Variants in MCC observed in about 807,000 individuals in gnomAD.
MCC encodes the protein colorectal mutant cancer protein.
A neutral mutation model predicts 116.2 loss-of-function variants in MCC; 90 were observed. The ratio of observed to expected loss-of-function variants is 0.77; its 90% CI spans 0.65 to 0.92. The LOEUF is 0.92. MCC is among the 40% of genes least tolerant of loss of function. The pLI is 0.00. For synonymous variants in MCC, 578 were observed against 510.5 expected (o/e 1.13, Z -1.78); for missense variants, 1,516 against 1,312.2 (o/e 1.16, Z -2.40).
chr5:113,274,763 G>T (rs2150354495), intron 3 of MCC, among the ~76,000 whole-genome samples: 1 of 152,266 alleles, frequency 6.6e-6, no homozygotes, highest in East Asian at 1.9e-4. Context: ...CCTTTGGTGG[G>T]TCTAATACTG....
chr5:113,133,879 C>A (rs1009562518), intron 5 of MCC, among the ~76,000 whole-genome samples: 3 of 152,130 alleles, frequency 2.0e-5, no homozygotes, highest in African/African-American at 7.2e-5. Flanking sequence ...TACCTGTTGG[C>A]CATTTGTACG....
chr5:113,166,525 A>G (rs1042375183), intron 3 of MCC, among the ~76,000 whole-genome samples: 3 of 152,092 alleles, frequency 2.0e-5, no homozygotes, highest in African/African-American at 4.8e-5. Context: ...CGTGGGTGAT[A>G]ATACAGTTTA....
intron 1 of MCC, among the ~76,000 whole-genome samples, chr5:113,438,574 G>T (rs1310665153): frequency 6.6e-6 from 1 of 152,182 alleles, no homozygotes; most frequent in African/African-American, 2.4e-5. Context: ...CACCTCTTAT[G>T]ACATCATAAT....
At chr5:113,060,380 C>T (rs1753135153) in intron 14 of MCC, among the ~76,000 whole-genome samples, 3 of 152,126 alleles carry the variant, frequency 2.0e-5, no homozygotes, top group Admixed American at 2.0e-4. Flanking sequence ...GTCTCAAACT[C>T]CTGACCTCAT....
At chr5:113,461,823 G>A (rs1207295487) in intron 1 of MCC, among the ~76,000 whole-genome samples, 2 of 149,428 alleles carry the variant, frequency 1.3e-5, no homozygotes, top group East Asian at 2.0e-4. Flanking sequence ...TAGTAGAGAT[G>A]TTCTACTCCA....
At chr5:113,185,706 C>T (rs181160192) in intron 3 of MCC, among the ~76,000 whole-genome samples, 1 of 152,320 alleles carries the variant, frequency 6.6e-6, no homozygotes, top group East Asian at 1.9e-4. Flanking sequence ...TTGCCATCCC[C>T]AGGCATGTGA....
chr5:113,263,686 T>G (rs1176112517), intron 3 of MCC, among the ~76,000 whole-genome samples: 2 of 152,360 alleles, frequency 1.3e-5, no homozygotes, highest in African/African-American at 2.4e-5. Context: ...GTAATTTTAT[T>G]GCAGGGAATC....
intron 4 of MCC, among the ~76,000 whole-genome samples, chr5:113,146,328 T>C: frequency 1.7e-3 from 1 of 580 alleles, no homozygotes; most frequent in Non-Finnish European, 0.022. Flanking sequence ...GTTTTTGCCA[T>C]CAAGGCACTG....
At chr5:113,386,754 CAT>C (rs10673164) in intron 1 of MCC, among the ~76,000 whole-genome samples, 23,253 of 140,748 alleles carry the variant, frequency 0.17, 2,175 homozygotes, top group Non-Finnish European at 0.22. Flanking sequence ...ATATGTATAT[CAT>C]ATATATATAT....
intron 16 of MCC, among the ~76,000 whole-genome samples, chr5:113,044,721 T>C (rs1457210416): frequency 6.6e-6 from 1 of 152,126 alleles, no homozygotes; most frequent in East Asian, 1.9e-4. Context: ...ATTACAGGCA[T>C]GTGCCACCAC....
chr5:113,469,100 T>C (rs1772003596), intron 1 of MCC, among the ~76,000 whole-genome samples: 1 of 152,204 alleles, frequency 6.6e-6, no homozygotes, highest in African/African-American at 2.4e-5. Context: ...TTGCTAGAAG[T>C]CTATCAATTT....
intron 2 of MCC, among the ~76,000 whole-genome samples, chr5:113,360,858 A>G (rs990101453): frequency 5.3e-5 from 8 of 152,128 alleles, no homozygotes; most frequent in Admixed American, 2.0e-4. Context: ...GGATGACCCA[A>G]TCTTGACTCA....
At chr5:113,143,621 G>A (rs546203856) in intron 4 of MCC, among the ~76,000 whole-genome samples, 75 of 152,256 alleles carry the variant, frequency 4.9e-4, no homozygotes, top group African/African-American at 1.8e-3. Flanking sequence ...ATTGCACACT[G>A]TCCAAGTGGG....
At chr5:113,246,432 A>G (rs185998952) in intron 3 of MCC, among the ~76,000 whole-genome samples, 1 of 152,244 alleles carries the variant, frequency 6.6e-6, no homozygotes, top group Non-Finnish European at 1.5e-5. Flanking sequence ...GTGACGTTAC[A>G]TTGTGAAACT....
intron 1 of MCC, among the ~76,000 whole-genome samples, chr5:113,470,994 C>T (rs111832061): frequency 0.1 from 15,866 of 152,236 alleles, 1,371 homozygotes; most frequent in African/African-American, 0.23. Context: ...CTTCTGCCTT[C>T]GTCACGTAGC....
chr5:113,129,150 C>A (rs1246891154), intron 5 of MCC, among the ~76,000 whole-genome samples: 1 of 152,136 alleles, frequency 6.6e-6, no homozygotes, highest in Non-Finnish European at 1.5e-5. Context: ...TAGGAGGGGT[C>A]TGTGCCTTGG....
chr5:113,157,507 A>G (rs774339887), intron 3 of MCC, among the ~76,000 whole-genome samples: 36 of 152,232 alleles, frequency 2.4e-4, no homozygotes, highest in Admixed American at 1.4e-3. Context: ...CTATCTAGAT[A>G]CATGCACCTC....
intron 3 of MCC, among the ~76,000 whole-genome samples, chr5:113,287,685 C>G (rs1766317727): frequency 6.6e-6 from 1 of 152,108 alleles, no homozygotes; most frequent in African/African-American, 2.4e-5. Context: ...GCAGCCCCAC[C>G]TGGGAGAAAG....
chr5:113,045,192 C>T (rs750931024), intron 16 of MCC, among the ~76,000 whole-genome samples: 16 of 152,184 alleles, frequency 1.1e-4, no homozygotes, highest in South Asian at 2.1e-4. Flanking sequence ...GTCTCATTCA[C>T]GGTGCCTCTC....
Sources: gnomAD v4.1 joint callset for allele counts (sites outside exome capture counted in the v4.1 genomes callset) on GRCh38, gnomAD v4.1.1 for gene constraint, MANE v1.5 for transcripts, NCBI Gene and HGNC (gene_info 2026-07-23, HGNC 2026-07-21) for gene names.